TCF4: variants seen among roughly 807,000 people sequenced by gnomAD.
TCF4 encodes the protein SL3-3 enhancer factor 2.
A neutral mutation model predicts 82.1 loss-of-function variants in TCF4; 3 were observed. The ratio of observed to expected loss-of-function variants is 0.04; its 90% confidence interval spans 0.02 to 0.09. The LOEUF is 0.09. Among genes scored for constraint, TCF4 ranks in the 10% least tolerant of loss-of-function variants. The pLI is 1.00. For synonymous variants in TCF4, 276 were observed against 309.6 expected, an observed-to-expected ratio of 0.89 and a Z score of 1.14; for missense variants, 518 against 852.7, an observed-to-expected ratio of 0.61 and a Z score of 4.89.
chr18:55,603,355 A>G (rs535645005), intron 2 of TCF4, among the ~76,000 whole-genome samples: 1 of 152,200 alleles, frequency 6.6e-6, no homozygotes, highest in South Asian at 2.1e-4. Context: ...GGTACAGTTT[A>G]TCCATAACGA....
intron 15 of TCF4, among the ~76,000 whole-genome samples, chr18:55,246,993 G>A (rs537066317): frequency 6.6e-6 from 1 of 152,318 alleles, no homozygotes; most frequent in South Asian, 2.1e-4. Flanking sequence ...CTCAAACTCA[G>A]TTTGGTTCCA....
chr18:55,306,894 T>C (rs1336106166), intron 8 of TCF4, among the ~76,000 whole-genome samples: 1 of 152,072 alleles, frequency 6.6e-6, no homozygotes, highest in African/African-American at 2.4e-5. Flanking sequence ...GGCTTGGAAC[T>C]CTCCTTCTGG....
Position 55,302,100 on chromosome 18 carries a change from C to T in TCF4, c.550-22444G>A, listed in dbSNP as rs74543232. 5.8e-3 allele frequency among the ~76,000 whole-genome samples: 890 copies of T among 152,304 alleles called. 19 individuals carry two copies. The highest frequency in any genetic ancestry group is 0.044 in the East Asian group (230 of 5,186). On this transcript the variant is annotated intron_variant, in intron 8 of 19. Transcript: ENST00000354452. ...TCCGTTTGCCCTGATCCTCAGCAGT[C>T]CTCTATTCCTAAAAGTCTGGCCACA...
intron 8 of TCF4, 162 bp from the exon 9 acceptor site, chr18:55,279,818 C>T: frequency 8.6e-7 from 1 of 1,161,946 alleles, no homozygotes; most frequent in Non-Finnish European, 1.2e-6. Context: ...CACACTAAAA[C>T]AAACACAACA....
intron 3 of TCF4, chr18:55,479,379 G>T (rs1017435034): frequency 6.5e-6 from 1 of 154,232 alleles, no homozygotes; most frequent in Admixed American, 6.5e-5. Flanking sequence ...GAAAACTAGT[G>T]GTCACCAAAC....
intron 6 of TCF4, among the ~76,000 whole-genome samples, chr18:55,394,569 A>T (rs2093375519): frequency 6.6e-6 from 1 of 152,196 alleles, no homozygotes; most frequent in South Asian, 2.1e-4. Flanking sequence ...GTGCCGGGCG[A>T]AAGTCGCTCT....
intron 3 of TCF4, among the ~76,000 whole-genome samples, chr18:55,533,276 G>A (rs1387587681): frequency 6.6e-6 from 1 of 152,112 alleles, no homozygotes; most frequent in Admixed American, 6.6e-5. Flanking sequence ...GGCAGGCTCA[G>A]GTAAAGCACT....
chr18:55,398,807 A>G (rs1162183617), intron 6 of TCF4, among the ~76,000 whole-genome samples: 4 of 152,220 alleles, frequency 2.6e-5, no homozygotes, highest in African/African-American at 4.8e-5. Flanking sequence ...TAAAGCAGAC[A>G]TGGTCCCTGC....
At chr18:55,468,883 C>CG (rs199707137) in intron 3 of TCF4, among the ~76,000 whole-genome samples, 8,223 of 24,420 alleles carry the variant, frequency 0.34, 435 homozygotes, top group South Asian at 0.52. Flanking sequence ...TAGTTCTCGC[C>CG]CCCCCCCCCC....
chr18:55,247,973 G>T (rs2053817434), intron 15 of TCF4, among the ~76,000 whole-genome samples: 1 of 152,222 alleles, frequency 6.6e-6, no homozygotes, highest in Non-Finnish European at 1.5e-5. Flanking sequence ...TTGAAGGAAG[G>T]AGGCTGATCA....
chr18:55,246,151 G>A (rs1471241594), intron 15 of TCF4, among the ~76,000 whole-genome samples: 3 of 151,986 alleles, frequency 2.0e-5, no homozygotes, highest in Non-Finnish European at 4.4e-5. Flanking sequence ...GTGTCTGCCT[G>A]CCTTTTCCTC....
At chr18:55,416,716 C>T (rs752225889) in intron 5 of TCF4, among the ~76,000 whole-genome samples, 3 of 152,118 alleles carry the variant, frequency 2.0e-5, no homozygotes, top group South Asian at 2.1e-4. Context: ...GTTAAAATGA[C>T]GATGTTTCAT....
At chr18:55,492,738 G>T (rs2096589424) in intron 3 of TCF4, among the ~76,000 whole-genome samples, 1 of 152,168 alleles carries the variant, frequency 6.6e-6, no homozygotes, top group African/African-American at 2.4e-5. Flanking sequence ...AGGATTCTTG[G>T]AAATGTTAAC....
intron 2 of TCF4, among the ~76,000 whole-genome samples, chr18:55,605,226 C>T (rs921040196): frequency 7.2e-5 from 11 of 152,194 alleles, no homozygotes; most frequent in African/African-American, 2.7e-4. Context: ...CCCATCATAC[C>T]CAATTGCCCT....
At chr18:55,332,028 T>C (rs1198192191) in intron 8 of TCF4, 1 of 152,212 alleles carries the variant, frequency 6.6e-6, no homozygotes, top group Non-Finnish European at 1.5e-5. Flanking sequence ...TGAGAGGTGA[T>C]ACTGTTATGC....
intron 5 of TCF4, among the ~76,000 whole-genome samples, chr18:55,425,546 C>A (rs547372559): frequency 6.6e-5 from 10 of 150,960 alleles, no homozygotes; most frequent in African/African-American, 2.4e-4. Flanking sequence ...ATATTAACAT[C>A]TTCCATAGCT....
intron 6 of TCF4, among the ~76,000 whole-genome samples, chr18:55,391,280 A>AGTGGCAGG (rs1276617641): frequency 5.9e-5 from 9 of 152,362 alleles, no homozygotes; most frequent in Non-Finnish European, 1.0e-4. Context: ...ACTTCAAAGC[A>AGTGGCAGG]GTGGCAGGGT....
intron 3 of TCF4, among the ~76,000 whole-genome samples, chr18:55,577,207 T>A (rs1054394528): frequency 7.3e-5 from 2 of 27,448 alleles, no homozygotes; most frequent in Non-Finnish European, 1.2e-4. Context: ...TTTATATATT[T>A]ATATAAATGT....
chr18:55,377,131 A>G (rs1191105712), intron 6 of TCF4, among the ~76,000 whole-genome samples: 1 of 152,194 alleles, frequency 6.6e-6, no homozygotes, highest in Admixed American at 6.5e-5. Context: ...ACTCTCCATC[A>G]ACATGTTATG....
Sources: gnomAD v4.1 joint callset for allele counts (sites outside exome capture counted in the v4.1 genomes callset) on GRCh38, gnomAD v4.1.1 for gene constraint, MANE v1.5 for transcripts, NCBI Gene and HGNC (gene_info 2026-07-23, HGNC 2026-07-21) for gene names.